Variants in GIMAP5 observed in about 807,000 individuals in gnomAD.
GIMAP5 encodes the protein GTPase IMAP family member 5.
A neutral mutation model predicts 9.9 loss-of-function variants in GIMAP5; 8 were observed. That is an observed-to-expected ratio of 0.81 (90% CI 0.47 to 1.45). The LOEUF (loss-of-function observed/expected upper bound fraction) is 1.45. Among genes scored for constraint, GIMAP5 ranks in the 40% most tolerant of loss-of-function variants. GIMAP5 has a pLI of 0.00. For synonymous variants in GIMAP5, 174 were observed against 151.4 expected (o/e 1.15, Z -1.09); for missense variants, 353 against 367.4 (o/e 0.96, Z 0.32).
chr7:150,742,938 T>C lies in GIMAP5; in HGVS notation c.799T>C (p.Trp267Arg), dbSNP rs1797625573. Residue 267 changes from tryptophan to arginine, a missense_variant, in exon 3 of 3, where the codon TGG (tryptophan) becomes CGG (arginine). Physicochemically the swap from Trp to Arg is moderately radical, Grantham distance 101. Transcript: ENST00000358647. ...KQELRENESN[W>R]AYKALLRVKH... Reference sequence around the variant, plus strand: ...AGAGCTGAGGGAGAACGAGAGTAACTGGGCATACAAGGCGCTCCTCAGAGT... The same window carrying C: ...AGAGCTGAGGGAGAACGAGAGTAACCGGGCATACAAGGCGCTCCTCAGAGT... 3 of 1,614,130 alleles carry C rather than the reference T, an allele frequency of 1.9e-6. No homozygotes were observed. The highest frequency in any genetic ancestry group is 1.3e-5 in the African/African-American group (1 of 74,928).
Position 150,737,446 on chromosome 7 carries a change from C to A in GIMAP5, c.-269C>A. On this transcript the variant is annotated 5_prime_UTR_variant, in exon 1 of 3. Transcript: ENST00000358647. ...CAGTTTCCAGCCAACACCAGGGTGTCCTAGTCCGCAGAGGTGTGGGGGACA... is the reference window on the plus strand; with the variant it reads ...CAGTTTCCAGCCAACACCAGGGTGTACTAGTCCGCAGAGGTGTGGGGGACA... 7.4e-7 allele frequency: 1 copy of A among 1,352,220 alleles called. No individual in the cohort carries two copies. 83.8% of individuals were successfully genotyped at this position (1,352,220 alleles called of 1,614,324 possible).
At chr7:150,740,363 C>T (rs964315280) in intron 1 of GIMAP5, 1 of 155,208 alleles carries the variant, frequency 6.4e-6, no homozygotes, top group African/African-American at 2.4e-5. Flanking sequence ...CTTCCATCCT[C>T]CCACTGGACA....
chr7:150,742,179 ACAGGTAGAT>A lies in GIMAP5; in HGVS notation c.44_52del (p.Gly15_Ser17del). The A allele has an allele frequency of 6.2e-7, 1 of 1,611,058 alleles. No homozygotes were observed. Among genetic ancestry groups the A allele is most frequent in the South Asian group, 1.1e-5 (1 of 90,926 alleles). On this transcript the variant is annotated splice_acceptor_variant and splice_polypyrimidine_tract_variant and coding_sequence_variant and intron_variant, in exon 3 of 3. Coordinates refer to ENST00000358647, the MANE Select transcript of GIMAP5 (RefSeq NM_018384.5). LOFTEE classifies it high-confidence loss of function. ...AGTAAGATACAAAACTTCGTTTTCT[ACAGGTAGAT>A]CAGAAGATAACTTGTCTGCAACACC... is the stretch of plus-strand genomic sequence containing the variant.
In GIMAP5 at chr7:150,737,570, C is replaced by T. The variant is rs1486473479; in HGVS notation, c.-145C>T. The T allele has an allele frequency of 5.2e-6, 8 of 1,535,682 alleles. No homozygotes were observed. Among genetic ancestry groups the T allele is most frequent in the Non-Finnish European group, 7.0e-6 (8 of 1,146,892 alleles). On this transcript the variant is annotated 5_prime_UTR_variant, in exon 1 of 3. Coordinates refer to ENST00000358647, the MANE Select transcript of GIMAP5 (RefSeq NM_018384.5). ...TTAACTGCGTCTGCTCAACCTCCCT[C>T]AGCCCTGTGAACAGCATCCCCGCAC... is the stretch of plus-strand genomic sequence containing the variant.
At chr7:150,739,658 CA>C (rs1337000912) in intron 1 of GIMAP5, 12 of 151,480 alleles carry the variant, frequency 7.9e-5, no homozygotes, top group Non-Finnish European at 1.6e-4. Context: ...GAGACGAGAA[CA>C]GGGTGTGGGA....
Position 150,737,465 on chromosome 7 carries a change from G to A in GIMAP5, c.-250G>A. 2 of 1,470,992 alleles carry A rather than the reference G, an allele frequency of 1.4e-6. No homozygotes were observed. 91.1% of individuals were successfully genotyped at this position (1,470,992 alleles called of 1,614,324 possible). On this transcript the variant is annotated 5_prime_UTR_variant, in exon 1 of 3. Coordinates refer to ENST00000358647, the MANE Select transcript of GIMAP5 (RefSeq NM_018384.5). The stretch of plus-strand genomic sequence containing the variant: ...GGGTGTCCTAGTCCGCAGAGGTGTG[G>A]GGGACACACTCCATAATCTCTACTT...
rs749622746 is a variant in GIMAP5, at chr7:150,742,340, G to A, written c.201G>A (p.Gln67=). 7.4e-6 allele frequency: 12 copies of A among 1,614,196 alleles called. No homozygotes were observed. Among genetic ancestry groups the A allele is most frequent in the Non-Finnish European group, 1.0e-5 (12 of 1,180,040 alleles). ...CCCAGTCAGTGACCAGGACGTGCCA[G>A]GTGAAAACAGGAACATGGAACGGGA... ...LRAQSVTRTC[Q]VKTGTWNGRK... The change falls in exon 3 of 3, where the codon CAG becomes CAA. Residue 67 remains glutamine (Q), a synonymous_variant. Transcript: ENST00000358647.
chr7:150,743,345 G>C lies in GIMAP5; in HGVS notation c.*282G>C. Reference sequence around the variant, plus strand: ...GAGAAGTGAGTAAAAGTCCGCAGAGGTGGGGATGGAAGATCTCTCCTTAGA... The same window carrying C: ...GAGAAGTGAGTAAAAGTCCGCAGAGCTGGGGATGGAAGATCTCTCCTTAGA... On this transcript the variant is annotated 3_prime_UTR_variant, in exon 3 of 3. Transcript: ENST00000358647. The C allele has an allele frequency of 5.3e-6, 2 of 376,226 alleles. No individual in the cohort carries two copies. Among genetic ancestry groups the C allele is most frequent in the Non-Finnish European group, 9.7e-6 (2 of 205,220 alleles). 23.3% of individuals were successfully genotyped at this position (376,226 alleles called of 1,614,324 possible). A position where few individuals can be genotyped will look rare whatever the true frequency, so the allele number is the denominator to read the frequency against.
Position 150,742,172 on chromosome 7 carries a change from G to A in GIMAP5, c.44-11G>A, listed in dbSNP as rs376150842. On this transcript the variant is annotated splice_polypyrimidine_tract_variant and intron_variant, in intron 2 of 2. Transcript: ENST00000358647. ...TTAACTTAGTAAGATACAAAACTTC[G>A]TTTTCTACAGGTAGATCAGAAGATA... is the stretch of plus-strand genomic sequence containing the variant. 4.5e-5 allele frequency: 73 copies of A among 1,608,542 alleles called. No homozygotes were observed. Among genetic ancestry groups the A allele is most frequent in the South Asian group, 3.9e-4 (35 of 90,722 alleles).
intron 2 of GIMAP5, among the ~76,000 whole-genome samples, chr7:150,741,861 T>C (rs774024355): frequency 5.3e-5 from 8 of 152,254 alleles, no homozygotes; most frequent in Non-Finnish European, 7.3e-5. Flanking sequence ...TCCATGGAGC[T>C]GGCCTAAACA....
rs1439633538 is a variant in GIMAP5, at chr7:150,743,117, A to C, written c.*54A>C. The C allele has an allele frequency of 1.3e-6, 2 of 1,540,534 alleles. No homozygotes were observed. The highest frequency in any genetic ancestry group is 1.7e-6 in the Non-Finnish European group (2 of 1,145,068). On this transcript the variant is annotated 3_prime_UTR_variant, in exon 3 of 3. Transcript: ENST00000358647. ...TATCACCCCATGGAGTCATTGTTCT[A>C]ATAATCACCAATTCAGACTCAGATC...
rs570937889 is a variant in GIMAP5, at chr7:150,737,837, A to G, written c.-7+129A>G. Reference sequence around the variant, plus strand: ...ACTTCTGGGTTCGCTGGTCAGTAAAACGGGGCAATGGTGATGAGTGTTGCG... The same window carrying G: ...ACTTCTGGGTTCGCTGGTCAGTAAAGCGGGGCAATGGTGATGAGTGTTGCG... On this transcript the variant is annotated intron_variant, in intron 1 of 2. Coordinates refer to ENST00000358647, the MANE Select transcript of GIMAP5 (RefSeq NM_018384.5). 338 of 733,830 alleles carry G rather than the reference A, an allele frequency of 4.6e-4. 2 individuals carry two copies. Among genetic ancestry groups the G allele is most frequent in the Non-Finnish European group, 7.5e-5 (33 of 441,854 alleles). The allele number at this position is 733,830 out of a possible 1,614,324, so 45.5% of individuals were successfully genotyped here. A position where few individuals can be genotyped will look rare whatever the true frequency, so the allele number is the denominator to read the frequency against.
Position 150,743,166 on chromosome 7 carries a change from CT to C in GIMAP5, c.*105del, listed in dbSNP as rs1797631689. ...TCCTCGTGGTCTATGGAGCATGCTG[CT>C]TGCTGTCTGTGCAGCTCCCATTTCC... On this transcript the variant is annotated 3_prime_UTR_variant, in exon 3 of 3. Coordinates refer to ENST00000358647, the MANE Select transcript of GIMAP5 (RefSeq NM_018384.5). The C allele has an allele frequency of 2.8e-6, 4 of 1,414,130 alleles. No homozygotes were observed. The highest frequency in any genetic ancestry group is 3.8e-6 in the Non-Finnish European group (4 of 1,052,452). The allele number at this position is 1,414,130 out of a possible 1,614,324, so 87.6% of individuals were successfully genotyped here.
At position 150,737,451 on chromosome 7, in the gene GIMAP5, T is replaced by G; in HGVS notation, c.-264T>G. On this transcript the variant is annotated 5_prime_UTR_variant, in exon 1 of 3. Transcript: ENST00000358647. The stretch of plus-strand genomic sequence containing the variant: ...TCCAGCCAACACCAGGGTGTCCTAG[T>G]CCGCAGAGGTGTGGGGGACACACTC... The G allele has an allele frequency of 2.2e-6, 3 of 1,389,784 alleles. No individual in the cohort carries two copies. The highest frequency in any genetic ancestry group is 3.0e-6 in the Non-Finnish European group (3 of 1,015,734). 86.1% of individuals were successfully genotyped at this position (1,389,784 alleles called of 1,614,324 possible).
In GIMAP5 at chr7:150,743,247, G is replaced by A. The variant is rs1046367; in HGVS notation, c.*184G>A. The A allele has an allele frequency of 1.6e-3, 1,102 of 703,120 alleles. 14 individuals carry two copies. In the African/African-American group the frequency reaches 0.018, roughly 12 times the overall value. 43.6% of individuals were successfully genotyped at this position (703,120 alleles called of 1,614,324 possible). A position where few individuals can be genotyped will look rare whatever the true frequency, so the allele number is the denominator to read the frequency against. ...GCCTCCACTCCAAGGCTGCCTGCCT[G>A]CTGTAAACACTATTCCACTCTGTCT... On this transcript the variant is annotated 3_prime_UTR_variant, in exon 3 of 3. Coordinates refer to ENST00000358647, the MANE Select transcript of GIMAP5 (RefSeq NM_018384.5).
rs763140963 is a variant in GIMAP5 at position 150,743,240 on chromosome 7, C to T, written c.*177C>T. The T allele has an allele frequency of 4.2e-5, 32 of 761,818 alleles. No homozygotes were observed. The highest frequency in any genetic ancestry group is 6.1e-5 in the Non-Finnish European group (30 of 488,566). The allele number at this position is 761,818 out of a possible 1,614,324, so 47.2% of individuals were successfully genotyped here. A position where few individuals can be genotyped will look rare whatever the true frequency, so the allele number is the denominator to read the frequency against. On this transcript the variant is annotated 3_prime_UTR_variant, in exon 3 of 3. Transcript: ENST00000358647. ...GCTGTGTGCCTCCACTCCAAGGCTG[C>T]CTGCCTGCTGTAAACACTATTCCAC...
rs1464517150 is a variant in GIMAP5, at chr7:150,742,511, T to C, written c.372T>C (p.Thr124=). 1 of 1,614,068 alleles carries C rather than the reference T, an allele frequency of 6.2e-7. No homozygotes were observed. Among genetic ancestry groups the C allele is most frequent in the Non-Finnish European group, 8.5e-7 (1 of 1,180,036 alleles). The stretch of plus-strand genomic sequence containing the variant: ...TGGTGATCCAGCTGGGGCGTTTCAC[T>C]GCTCAGGACACAGTGGCCATCAGGA... ...LLLVIQLGRF[T]AQDTVAIRKV... Residue 124 remains threonine, a synonymous_variant, in exon 3 of 3, where the codon ACT becomes ACC. Coordinates refer to ENST00000358647, the MANE Select transcript of GIMAP5 (RefSeq NM_018384.5).
chr7:150,741,879 G>A (rs1261451776), intron 2 of GIMAP5, among the ~76,000 whole-genome samples: 1 of 152,192 alleles, frequency 6.6e-6, no homozygotes, highest in Non-Finnish European at 1.5e-5. Context: ...ACACCACGCA[G>A]GGGAAAACAC....
intron 2 of GIMAP5, 49 bp downstream of exon 2, chr7:150,740,976 A>G (rs770285716): frequency 1.3e-6 from 2 of 1,594,368 alleles, no homozygotes; most frequent in South Asian, 1.1e-5. Flanking sequence ...TGGGAGAATC[A>G]CAATTCTCTC....
Sources: gnomAD v4.1 joint callset for allele counts (sites outside exome capture counted in the v4.1 genomes callset) on GRCh38, gnomAD v4.1.1 for gene constraint, MANE v1.5 for transcripts, NCBI Gene and HGNC (gene_info 2026-07-23, HGNC 2026-07-21) for gene names.